MICAL3: variants seen among roughly 807,000 people sequenced by gnomAD.
MICAL3 encodes microtubule associated monooxygenase, calponin and LIM domain containing 3.
In MICAL3, 62 loss-of-function variants were observed where a neutral mutation model predicts 207.4. The observed-to-expected ratio is 0.30, with a 90% confidence interval of 0.24 to 0.37. The LOEUF (loss-of-function observed/expected upper bound fraction) is 0.37. Ranked by LOEUF, MICAL3 falls within the 10% of genes least tolerant of loss-of-function variation. The pLI is 1.00. For synonymous variants in MICAL3, 1,077 were observed against 1,069.3 expected, an observed-to-expected ratio of 1.01 and a Z score of -0.14; for missense variants, 2,368 against 2,635.6, an observed-to-expected ratio of 0.90 and a Z score of 2.22.
chr22:17,789,827 A>C lies in MICAL3; in HGVS notation c.*905T>G, dbSNP rs997790552. ...CTTTTCAAGTATTAAAAAATAAGTT[A>C]ATTGACAAAAAGGGTTTGAAGCGGC... On this transcript the variant is annotated 3_prime_UTR_variant, in exon 32 of 32. Transcript: ENST00000441493. 6.6e-6 allele frequency: 1 copy of C among 152,230 alleles called. No homozygotes were observed. Among genetic ancestry groups the C allele is most frequent in the African/African-American group, 2.4e-5 (1 of 41,456 alleles). The allele number at this position is 152,230 out of a possible 1,614,324, so 9.4% of individuals were successfully genotyped here.
intron 29 of MICAL3, among the ~76,000 whole-genome samples, chr22:17,792,947 G>A (rs536508325): frequency 3.9e-5 from 6 of 152,368 alleles, no homozygotes; most frequent in South Asian, 2.1e-4. Context: ...CCACATGGCC[G>A]TGGAGGAGGG....
intron 1 of MICAL3, among the ~76,000 whole-genome samples, chr22:17,943,543 C>T (rs1215266316): frequency 6.6e-6 from 1 of 152,192 alleles, no homozygotes; most frequent in Non-Finnish European, 1.5e-5. Context: ...TTGTTGCTCT[C>T]GTGAAAAACA....
At chr22:17,962,358 G>A (rs142081083) in intron 1 of MICAL3, among the ~76,000 whole-genome samples, 86 of 152,348 alleles carry the variant, frequency 5.6e-4, no homozygotes, top group African/African-American at 2.0e-3. Flanking sequence ...CCGGAGGCAC[G>A]CACTCAGCAG....
intron 1 of MICAL3, among the ~76,000 whole-genome samples, chr22:18,015,804 G>C (rs529705706): frequency 5.0e-4 from 76 of 152,268 alleles, no homozygotes; most frequent in African/African-American, 1.8e-3. Context: ...TTTATCAAAA[G>C]TATTTTCCAT....
chr22:17,841,557 C>T lies in MICAL3; in HGVS notation c.2801+265G>A, dbSNP rs1924012899. 2 of 567,158 alleles carry T rather than the reference C, an allele frequency of 3.5e-6. No homozygotes were observed. Among genetic ancestry groups the T allele is most frequent in the East Asian group, 5.6e-5 (2 of 35,906 alleles). The allele number at this position is 567,158 out of a possible 1,614,324, so 35.1% of individuals were successfully genotyped here. ...CCCGGGGGCAGAGCCTGCCACTTTC[C>T]TTCCCAATGACAGACTTGGAGCTGG... is the stretch of plus-strand genomic sequence containing the variant. On this transcript the variant is annotated intron_variant, in intron 20 of 31. Transcript: ENST00000441493. The surrounding 1 kb of genome is among the most constrained non-coding windows in gnomAD (Gnocchi z 4.2).
chr22:17,868,330 A>G (rs372871283), intron 17 of MICAL3, among the ~76,000 whole-genome samples: 1 of 152,294 alleles, frequency 6.6e-6, no homozygotes, highest in Non-Finnish European at 1.5e-5. Flanking sequence ...AAAAAAAAAA[A>G]AAGCTAATTT....
intron 1 of MICAL3, among the ~76,000 whole-genome samples, chr22:18,001,703 A>G (rs1277758560): frequency 1.3e-5 from 2 of 152,262 alleles, no homozygotes; most frequent in East Asian, 1.9e-4. Flanking sequence ...AGGCAAAGAA[A>G]TAAGCTGTCG....
intron 1 of MICAL3, among the ~76,000 whole-genome samples, chr22:17,973,724 T>A (rs1380599981): frequency 6.6e-6 from 1 of 151,750 alleles, no homozygotes; most frequent in African/African-American, 2.4e-5. Flanking sequence ...AGCCCGGGAG[T>A]TTGACACCAG....
At chr22:17,964,898 C>T (rs1935074277) in intron 1 of MICAL3, among the ~76,000 whole-genome samples, 1 of 152,234 alleles carries the variant, frequency 6.6e-6, no homozygotes, top group East Asian at 1.9e-4. Flanking sequence ...CCGCATGGCA[C>T]TGCTGACCGT....
At chr22:17,804,160 C>T (rs2061967081) in intron 29 of MICAL3, among the ~76,000 whole-genome samples, 3 of 152,162 alleles carry the variant, frequency 2.0e-5, no homozygotes. Context: ...AGGGATCAGC[C>T]AGGACAGAGG....
chr22:17,894,395 CAAAAAAAA>C (rs57537906), intron 10 of MICAL3, among the ~76,000 whole-genome samples: 1 of 86,232 alleles, frequency 1.2e-5, no homozygotes, highest in African/African-American at 4.3e-5. Flanking sequence ...GACTCTGTCT[CAAAAAAAA>C]AAAAAAAGAA....
At chr22:17,956,025 G>A (rs1026159292) in intron 1 of MICAL3, among the ~76,000 whole-genome samples, 27 of 152,374 alleles carry the variant, frequency 1.8e-4, no homozygotes, top group African/African-American at 5.3e-4. Context: ...GGAAGAAAAT[G>A]TCCAGGAAGA....
chr22:17,954,102 A>C (rs907081723), intron 1 of MICAL3, among the ~76,000 whole-genome samples: 1 of 152,154 alleles, frequency 6.6e-6, no homozygotes, highest in African/African-American at 2.4e-5. Flanking sequence ...AGAAGGTGGG[A>C]AACTCCCCCT....
chr22:18,014,217 C>T (rs1923916145), intron 1 of MICAL3, among the ~76,000 whole-genome samples: 1 of 152,114 alleles, frequency 6.6e-6, no homozygotes, highest in Admixed American at 6.6e-5. Flanking sequence ...ACAGGGTGCG[C>T]ATAATACAAT....
intron 1 of MICAL3, among the ~76,000 whole-genome samples, chr22:17,912,393 A>G (rs982582576): frequency 6.7e-6 from 1 of 149,482 alleles, no homozygotes; most frequent in African/African-American, 2.5e-5. Flanking sequence ...AATCATTGGG[A>G]TTTTGATAGG....
rs1929388956 is a variant in MICAL3 at position 17,881,178 on chromosome 22, G to A, written c.2241+4700C>T. ...CAGACAGGCAGGCAGACAGAGACAG[G>A]AACATGGAGCATGCAGAGAGGATCA... On this transcript the variant is annotated intron_variant, in intron 16 of 31. Transcript: ENST00000441493. 4 of 1,580,514 alleles carry A rather than the reference G, an allele frequency of 2.5e-6. No individual in the cohort carries two copies. The East Asian group carries it at 9.0e-5, about 35-fold the overall frequency.
At chr22:17,930,720 G>C (rs779293513) in intron 1 of MICAL3, among the ~76,000 whole-genome samples, 10 of 152,242 alleles carry the variant, frequency 6.6e-5, no homozygotes, top group Admixed American at 2.6e-4. Flanking sequence ...CTGTCTCCCA[G>C]GGCCCCCAGT....
At chr22:17,826,412 AG>A (rs1922195107) in intron 22 of MICAL3, 2 of 969,516 alleles carry the variant, frequency 2.1e-6, no homozygotes, top group Non-Finnish European at 2.5e-6. Context: ...GCCTAGAGAG[AG>A]GTTACGGTGA....
chr22:17,847,231 G>C (rs1477853656), intron 19 of MICAL3, among the ~76,000 whole-genome samples: 1 of 152,218 alleles, frequency 6.6e-6, no homozygotes, highest in African/African-American at 2.4e-5. Context: ...TGTCGCGTAG[G>C]AAATCAGGAT....
Sources: gnomAD v4.1 joint callset for allele counts (sites outside exome capture counted in the v4.1 genomes callset) on GRCh38, gnomAD v4.1.1 for gene constraint, Gnocchi (gnomAD v3.1) non-coding constraint, MANE v1.5 for transcripts, NCBI Gene and HGNC (gene_info 2026-07-23, HGNC 2026-07-21) for gene names.